CFAP47: variants seen among roughly 807,000 people sequenced by gnomAD.
CFAP47 encodes cilia- and flagella-associated protein 47.
A neutral mutation model predicts 148.1 loss-of-function variants in CFAP47; 29 were observed. The observed-to-expected ratio is 0.20, with a 90% CI of 0.15 to 0.27. The LOEUF (loss-of-function observed/expected upper bound fraction) is 0.27, where lower values mean the gene tolerates loss of function less well. Ranked by LOEUF, CFAP47 falls within the 10% of genes least tolerant of loss-of-function variation. The pLI is 1.00. For missense variants in CFAP47, 1,872 were observed against 1,697.5 expected (o/e 1.10, Z -1.81); for synonymous variants, 664 against 577.3 (o/e 1.15, Z -2.15).
intron 62 of CFAP47, chrX:36,374,745 TA>T: frequency 2.1e-6 from 1 of 483,963 alleles, no homozygotes; most frequent in South Asian, 3.2e-5. Flanking sequence ...TGTCTCAATA[TA>T]TTTTTTTTTC....
chrX:35,965,769 G>A (rs1459356154), intron 8 of CFAP47, among the ~76,000 whole-genome samples: 2 of 110,939 alleles, frequency 1.8e-5, no homozygotes, highest in Admixed American at 9.6e-5. Context: ...GTAGTGAGGC[G>A]TTTGGAGTGT....
chrX:36,084,190 T>C (rs936315173), intron 29 of CFAP47, among the ~76,000 whole-genome samples: 3 of 111,534 alleles, frequency 2.7e-5, no homozygotes, highest in Non-Finnish European at 5.7e-5. Flanking sequence ...ATAGTACATA[T>C]GGTTAGTTTA....
intron 45 of CFAP47, among the ~76,000 whole-genome samples, chrX:36,213,870 C>T (rs1385108298): frequency 4.5e-5 from 5 of 111,496 alleles, no homozygotes; most frequent in Non-Finnish European, 9.4e-5. Context: ...TTGGGAGATG[C>T]GAATTCAGGG....
intron 37 of CFAP47, among the ~76,000 whole-genome samples, chrX:36,152,656 GTC>G (rs1413955640): frequency 8.9e-6 from 1 of 111,826 alleles, no homozygotes; most frequent in Non-Finnish European, 1.9e-5. Flanking sequence ...AAGTATGCCT[GTC>G]TCTCTAATGA....
chrX:36,236,604 C>A, intron 47 of CFAP47, 82 bp from the exon 48 acceptor site: 2 of 433,430 alleles, frequency 4.6e-6, no homozygotes, highest in Admixed American at 4.3e-5. Flanking sequence ...ATTAATCAGA[C>A]ACAAGAAGAA....
intron 62 of CFAP47, chrX:36,374,699 C>A (rs782337979): frequency 1.1e-4 from 40 of 361,439 alleles, no homozygotes; most frequent in African/African-American, 1.1e-3. Flanking sequence ...TGCTGCATCC[C>A]ATTAAGTTTT....
chrX:36,378,210 C>T (rs1355321378), intron 62 of CFAP47, among the ~76,000 whole-genome samples: 1 of 112,180 alleles, frequency 8.9e-6, no homozygotes, highest in African/African-American at 3.2e-5. Flanking sequence ...AATTATTTTG[C>T]AATCCTTATC....
intron 1 of CFAP47, among the ~76,000 whole-genome samples, chrX:35,924,415 A>G (rs761919167): frequency 2.3e-4 from 24 of 102,165 alleles, no homozygotes; most frequent in Non-Finnish European, 3.9e-4. Flanking sequence ...ACATATGTGT[A>G]TATGCACACA....
At chrX:36,139,232 G>A (rs1010844555) in intron 35 of CFAP47, among the ~76,000 whole-genome samples, 1 of 111,651 alleles carries the variant, frequency 9.0e-6, no homozygotes, top group Non-Finnish European at 1.9e-5. Flanking sequence ...AATTTAATTG[G>A]CATCTGGAAG....
At chrX:36,222,136 A>G (rs1328835514) in intron 45 of CFAP47, among the ~76,000 whole-genome samples, 1 of 111,843 alleles carries the variant, frequency 8.9e-6, no homozygotes, top group Non-Finnish European at 1.9e-5. Flanking sequence ...GGAACTGCAT[A>G]CCAGTCTGCC....
chrX:35,965,248 G>A (rs747292054), intron 8 of CFAP47, among the ~76,000 whole-genome samples: 3 of 111,588 alleles, frequency 2.7e-5, no homozygotes, highest in Admixed American at 9.6e-5. Context: ...ATTGGATAGA[G>A]GTTCCCTTAA....
At chrX:36,266,024 A>C (rs1179572428) in intron 49 of CFAP47, among the ~76,000 whole-genome samples, 2 of 112,071 alleles carry the variant, frequency 1.8e-5, no homozygotes, top group African/African-American at 6.5e-5. Flanking sequence ...AGTGACTGGT[A>C]CTGGGTCCAT....
intron 40 of CFAP47, among the ~76,000 whole-genome samples, chrX:36,180,324 A>G (rs141242464): frequency 1.1e-3 from 129 of 112,348 alleles, no homozygotes; most frequent in African/African-American, 3.8e-3. Context: ...AGTACAATTA[A>G]AAACAATGTT....
chrX:36,236,105 TATTA>T, intron 47 of CFAP47, 28 bp downstream of exon 47: 1 of 431,049 alleles, frequency 2.3e-6, no homozygotes, highest in Non-Finnish European at 4.1e-6. Context: ...TTTTCCCCAG[TATTA>T]ATTAATAGTA....
intron 49 of CFAP47, among the ~76,000 whole-genome samples, chrX:36,256,056 T>G (rs1280193448): frequency 1.8e-5 from 2 of 112,153 alleles, no homozygotes; most frequent in East Asian, 5.6e-4. Flanking sequence ...CTTTTGTAAC[T>G]GTAAAATGAC....
chrX:35,973,363 G>A (rs1936522215), intron 13 of CFAP47, among the ~76,000 whole-genome samples: 1 of 110,253 alleles, frequency 9.1e-6, no homozygotes, highest in Non-Finnish European at 1.9e-5. Context: ...CTAATTTTTT[G>A]TATTTTTAGT....
chrX:36,242,899 TGAAA>T (rs1555996293), intron 48 of CFAP47, among the ~76,000 whole-genome samples: 1 of 111,046 alleles, frequency 9.0e-6, no homozygotes, highest in Non-Finnish European at 1.9e-5. Context: ...AAGGTCAATG[TGAAA>T]GAAAAAGTCC....
intron 33 of CFAP47, among the ~76,000 whole-genome samples, chrX:36,121,388 TACTC>T (rs1033119754): frequency 9.0e-6 from 1 of 111,396 alleles, no homozygotes; most frequent in Non-Finnish European, 1.9e-5. Context: ...AGTAAGTACT[TACTC>T]CTGCCATTTT....
At chrX:36,149,765 C>A (rs996929307) in intron 37 of CFAP47, among the ~76,000 whole-genome samples, 2 of 107,883 alleles carry the variant, frequency 1.9e-5, no homozygotes, top group Non-Finnish European at 3.8e-5. Context: ...CCTGCCACCA[C>A]GCCTGGCTAA....
Sources: allele counts gnomAD v4.1 joint callset (sites outside exome capture counted in the v4.1 genomes callset), GRCh38; gene constraint gnomAD v4.1.1; transcripts MANE v1.5; gene names NCBI Gene and HGNC (gene_info 2026-07-23, HGNC 2026-07-21).